Variants in C6orf132 observed in about 807,000 individuals in gnomAD.
C6orf132 encodes the protein chromosome 6 open reading frame 132.
Under a neutral mutation model 65.3 loss-of-function variants are expected in C6orf132, and 43 were observed. The observed-to-expected ratio is 0.66, with a 90% CI of 0.52 to 0.85. The LOEUF (loss-of-function observed/expected upper bound fraction) is 0.85, where lower values mean the gene tolerates loss of function less well. Ranked by LOEUF, C6orf132 falls within the 40% of genes least tolerant of loss-of-function variation. The pLI, the probability that C6orf132 is intolerant of heterozygous loss-of-function variation, is 0.00. For synonymous variants in C6orf132, 631 were observed against 654.1 expected, an observed-to-expected ratio of 0.96 and a Z score of 0.54; for missense variants, 1,488 against 1,548.8, an observed-to-expected ratio of 0.96 and a Z score of 0.66.
chr6:42,103,037 C>G lies in C6orf132; in HGVS notation c.*724G>C, dbSNP rs1766319890. 2.5e-6 allele frequency: 1 copy of G among 398,484 alleles called. No homozygotes were observed. The highest frequency in any genetic ancestry group is 2.1e-5 in the African/African-American group (1 of 48,518). The allele number at this position is 398,484 out of a possible 1,614,324, so 24.7% of individuals were successfully genotyped here. On this transcript the variant is annotated 3_prime_UTR_variant, in exon 5 of 5. Coordinates refer to ENST00000341865, the MANE Select transcript of C6orf132 (RefSeq NM_001164446.3). ...CCTAAACTTGCCAAGTGTCCTCTCT[C>G]TAGGCCTCCCTGTAGCTAAGGGCTA...
intron 2 of C6orf132, among the ~76,000 whole-genome samples, chr6:42,113,534 G>T (rs544080712): frequency 5.9e-5 from 9 of 152,362 alleles, no homozygotes; most frequent in African/African-American, 2.2e-4. Context: ...AACCAAGGCA[G>T]CTGGGCATGG....
Position 42,106,842 on chromosome 6 carries a change from G to A in C6orf132, c.1070C>T (p.Ala357Val), listed in dbSNP as rs895836534. The A allele has an allele frequency of 3.9e-6, 6 of 1,535,722 alleles. No homozygotes were observed. In the East Asian group the frequency reaches 9.8e-5, roughly 25 times the overall value. Residue 357 changes from alanine (A) to valine (V), a missense_variant, in exon 4 of 5, where the codon GCC becomes GTC. By Grantham distance (64) the Ala-to-Val change is moderately conservative. Coordinates refer to ENST00000341865, the MANE Select transcript of C6orf132 (RefSeq NM_001164446.3). Reference protein sequence around the residue: ...RPASQVYPDRAPEPDCPGELK... With the variant: ...RPASQVYPDRVPEPDCPGELK... ...CTCCCCAGGGCAGTCTGGCTCGGGG[G>A]CCCTGTCTGGGTAGACCTGGGAGGC...
In C6orf132 at chr6:42,139,922, C is replaced by T. The variant is rs1307009127; in HGVS notation, c.145+2378G>A. ...CCTTTAACAGAAGAAAAAATTGAGGCCCAGAGAGTGCTTAGCCCTATGTAT... is the reference window on the plus strand; with the variant it reads ...CCTTTAACAGAAGAAAAAATTGAGGTCCAGAGAGTGCTTAGCCCTATGTAT... On this transcript the variant is annotated intron_variant, in intron 1 of 4. Coordinates refer to ENST00000341865, the MANE Select transcript of C6orf132 (RefSeq NM_001164446.3). Among the ~76,000 whole-genome samples the T allele has an allele frequency of 2.0e-5, 3 of 152,166 alleles. No homozygotes were observed. In the East Asian group the frequency reaches 5.8e-4, roughly 29 times the overall value.
At position 42,124,031 on chromosome 6, in the gene C6orf132, G is replaced by A. The variant is rs1055316431; in HGVS notation, c.252+4641C>T. On this transcript the variant is annotated intron_variant, in intron 2 of 4. Coordinates refer to ENST00000341865, the MANE Select transcript of C6orf132 (RefSeq NM_001164446.3). The surrounding 1 kb of genome is among the most constrained non-coding windows in gnomAD (Gnocchi z 4.0). Reference sequence around the variant, plus strand: ...AGCTGACCACACCATCTACCCTTCCGTTAGGAAGTCATTTTAACACAGAAA... The same window carrying A: ...AGCTGACCACACCATCTACCCTTCCATTAGGAAGTCATTTTAACACAGAAA... 2.0e-5 allele frequency among the ~76,000 whole-genome samples: 3 copies of A among 152,282 alleles called. No individual in the cohort carries two copies. The highest frequency in any genetic ancestry group is 2.0e-4 in the Admixed American group (3 of 15,290).
rs1766433355 is a variant in C6orf132, at chr6:42,107,498, G to A, written c.414C>T (p.Leu138=). The A allele has an allele frequency of 6.5e-7, 1 of 1,549,126 alleles. No homozygotes were observed. The highest frequency in any genetic ancestry group is 8.7e-7 in the Non-Finnish European group (1 of 1,145,896). Residue 138 remains leucine (L), a synonymous_variant, in exon 4 of 5, where the codon CTC becomes CTT. Coordinates refer to ENST00000341865, the MANE Select transcript of C6orf132 (RefSeq NM_001164446.3). ...CTGGGCCTGGGGGAGGTGGGGGGAT[G>A]AGTAGATCCTGGCCATATTGTCCAG... ...LRPGQYGQDL[L]IPPPPPGPAP...
rs1582266516 is a variant in C6orf132, at chr6:42,104,356, A to T, written c.3449+107T>A. On this transcript the variant is annotated intron_variant, in intron 4 of 4. Transcript: ENST00000341865. The surrounding 1 kb of genome is among the most constrained non-coding windows in gnomAD (Gnocchi z 4.1). ...TCCCGCGTTCTACCTGCAAGGCCGAAGGGAGAAAACCAAATGTTTTCTCTT... is the reference window on the plus strand; with the variant it reads ...TCCCGCGTTCTACCTGCAAGGCCGATGGGAGAAAACCAAATGTTTTCTCTT... 9 of 1,222,868 alleles carry T rather than the reference A, an allele frequency of 7.4e-6. No individual in the cohort carries two copies. The East Asian group carries it at 2.9e-4, about 39-fold the overall frequency. 75.8% of individuals were successfully genotyped at this position (1,222,868 alleles called of 1,614,324 possible).
intron 2 of C6orf132, among the ~76,000 whole-genome samples, chr6:42,117,594 A>C (rs1307937712): frequency 1.3e-5 from 2 of 152,100 alleles, no homozygotes; most frequent in African/African-American, 4.8e-5. Flanking sequence ...TGTTGAATGA[A>C]TATGTTCCTG....
intron 1 of C6orf132, among the ~76,000 whole-genome samples, chr6:42,131,907 C>G (rs1766859296): frequency 6.6e-6 from 1 of 152,214 alleles, no homozygotes; most frequent in Admixed American, 6.5e-5. Context: ...CGCTACCAGG[C>G]ACCTCTGGAA....
chr6:42,107,209 C>T lies in C6orf132; in HGVS notation c.703G>A (p.Ala235Thr). ...APPPPPVPAP[A>T]PPAPASPHTV... ...TGAGGAGATGCTGGAGCTGGGGGTG[C>T]TGGGGCTGGCACAGGAGGCGGTGGG... Residue 235 changes from alanine (A) to threonine (T), a missense_variant, in exon 4 of 5, where the codon GCA becomes ACA. Coordinates refer to ENST00000341865, the MANE Select transcript of C6orf132 (RefSeq NM_001164446.3). The T allele has an allele frequency of 3.9e-6, 4 of 1,024,100 alleles. No individual in the cohort carries two copies. Among genetic ancestry groups the T allele is most frequent in the Admixed American group, 7.5e-5 (1 of 13,282 alleles). 63.4% of individuals were successfully genotyped at this position (1,024,100 alleles called of 1,614,324 possible).
chr6:42,123,421 AGAAAG>A (rs1766716691), intron 2 of C6orf132, among the ~76,000 whole-genome samples: 1 of 148,278 alleles, frequency 6.7e-6, no homozygotes, highest in African/African-American at 2.5e-5. Flanking sequence ...AGAAGAAAGA[AGAAAG>A]GAGAAGGAGA....
chr6:42,123,583 AAAGAAGAAGAAGAAAGAAGG>A (rs557467435), intron 2 of C6orf132, among the ~76,000 whole-genome samples: 194 of 151,254 alleles, frequency 1.3e-3, no homozygotes, highest in African/African-American at 4.6e-3. Flanking sequence ...AAGAAAGAAG[AAAGAAGAAGAAGAAAGAAGG>A]AAGAAGAAGA....
chr6:42,142,282 C>T lies in C6orf132; in HGVS notation c.145+18G>A. ...CCTCCGTCCCCGCCCCAGCGCCCTC[C>T]GTCCCCGGAGTACTCACCGAAGCCC... On this transcript the variant is annotated intron_variant, in intron 1 of 4. Transcript: ENST00000341865. 1 of 1,547,040 alleles carries T rather than the reference C, an allele frequency of 6.5e-7. No homozygotes were observed. The highest frequency in any genetic ancestry group is 2.5e-5 in the East Asian group (1 of 40,804).
At chr6:42,103,990 C>A in intron 4 of C6orf132, 112 bp from the exon 5 acceptor site, 1 of 736,662 alleles carries the variant, frequency 1.4e-6, no homozygotes, top group Non-Finnish European at 2.0e-6. Flanking sequence ...TCTGTATTTG[C>A]CCCGACAAGC....
chr6:42,104,781 C>A lies in C6orf132; in HGVS notation c.3131G>T (p.Arg1044Leu). The change falls in exon 4 of 5, where the codon CGC becomes CTC. Residue 1044 changes from arginine (R) to leucine (L), a missense_variant. By Grantham distance (102) the Arg-to-Leu change is moderately radical. Transcript: ENST00000341865. The surrounding 1 kb of genome is among the most constrained non-coding windows in gnomAD (Gnocchi z 4.1). ...CTCCAGGCCCCCAGCCCCGGCGTAG[C>A]GCGCGCCCGCGGGAAAGCGCGAGAA... ...LGFSRFPAGA[R>L]YAGAGGLERF... The A allele has an allele frequency of 6.7e-7, 1 of 1,501,730 alleles. No homozygotes were observed. Among genetic ancestry groups the A allele is most frequent in the Non-Finnish European group, 8.8e-7 (1 of 1,132,822 alleles). The allele number at this position is 1,501,730 out of a possible 1,614,324, so 93.0% of individuals were successfully genotyped here.
At chr6:42,118,316 G>T (rs1297744237) in intron 2 of C6orf132, among the ~76,000 whole-genome samples, 2 of 152,188 alleles carry the variant, frequency 1.3e-5, no homozygotes, top group Non-Finnish European at 2.9e-5. Context: ...AGGAGCCCCA[G>T]ACCAGGCAGG....
Position 42,142,462 on chromosome 6 carries a change from G to A in C6orf132, c.-18C>T, listed in dbSNP as rs1248527924. ...TTTTTCATGCTGCCGCAGCCCGCGC[G>A]GGCGCCAGGGAAGGACCTTCCCTCC... On this transcript the variant is annotated 5_prime_UTR_variant, in exon 1 of 5. Transcript: ENST00000341865. The A allele has an allele frequency of 2.6e-6, 4 of 1,548,416 alleles. No homozygotes were observed. In the East Asian group the frequency reaches 7.4e-5, roughly 28 times the overall value.
chr6:42,135,446 C>T (rs1766926095), intron 1 of C6orf132, among the ~76,000 whole-genome samples: 1 of 152,218 alleles, frequency 6.6e-6, no homozygotes. Context: ...GAGCTGAGAG[C>T]TAGGTACATG....
At position 42,105,680 on chromosome 6, in the gene C6orf132, G is replaced by A. The variant is rs550474773; in HGVS notation, c.2232C>T (p.Pro744=). ...CTGCAGATGAGCGGGCTCCCTGTGTGGGCAGCCTAGTGGCCTCTGAGGGGG... is the reference window on the plus strand; with the variant it reads ...CTGCAGATGAGCGGGCTCCCTGTGTAGGCAGCCTAGTGGCCTCTGAGGGGG... ...EGSPSEATRL[P]TQGARSSAAF... is the part of the protein sequence containing the mutation. The change falls in exon 4 of 5, where the codon CCC becomes CCT. Residue 744 remains proline (P), a synonymous_variant. Transcript: ENST00000341865. 6.5e-7 allele frequency: 1 copy of A among 1,537,288 alleles called. No homozygotes were observed. Among genetic ancestry groups the A allele is most frequent in the East Asian group, 2.4e-5 (1 of 40,924 alleles).
intron 2 of C6orf132, among the ~76,000 whole-genome samples, chr6:42,128,089 A>ATT (rs36071882): frequency 0.1 from 14,504 of 145,622 alleles, 795 homozygotes; most frequent in Middle Eastern, 0.16. Context: ...TACACCGGCT[A>ATT]TTTTTTTTTT....
Sources: gnomAD v4.1 joint callset for allele counts (sites outside exome capture counted in the v4.1 genomes callset) on GRCh38, gnomAD v4.1.1 for gene constraint, Gnocchi (gnomAD v3.1) non-coding constraint, MANE v1.5 for transcripts, NCBI Gene and HGNC (gene_info 2026-07-23, HGNC 2026-07-21) for gene names.